The following CATSPERD variants were observed in gnomAD, a reference collection of about 807,000 sequenced individuals.
The protein encoded by CATSPERD is catsper channel auxiliary subunit delta, also known as cation channel sperm-associated auxiliary subunit delta.
In CATSPERD, 86 loss-of-function variants were observed where a neutral mutation model predicts 98.1. That is an observed-to-expected ratio of 0.88 (90% CI 0.74 to 1.05). The LOEUF is 1.05. Among genes scored for constraint, CATSPERD ranks in the 50% least tolerant of loss-of-function variants. CATSPERD has a pLI of 0.00. For synonymous variants in CATSPERD, 394 were observed against 390.2 expected (o/e 1.01, Z -0.12); for missense variants, 995 against 1,005.7 (o/e 0.99, Z 0.14).
intron 13 of CATSPERD, among the ~76,000 whole-genome samples, chr19:5,754,835 T>TTTC (rs1045802827): frequency 6.8e-6 from 1 of 147,618 alleles, no homozygotes; most frequent in African/African-American, 2.4e-5. Flanking sequence ...ATACATTCAT[T>TTTC]TTCTTCTTCT....
chr19:5,751,310 G>C (rs1599555146), intron 11 of CATSPERD, among the ~76,000 whole-genome samples: 1 of 147,938 alleles, frequency 6.8e-6, no homozygotes, highest in Admixed American at 6.9e-5. Context: ...GGATCACGAG[G>C]TCAGGAGATC....
intron 8 of CATSPERD, 138 bp downstream of exon 8, chr19:5,744,648 C>A: frequency 2.1e-6 from 1 of 475,852 alleles, no homozygotes; most frequent in Non-Finnish European, 3.5e-6. Context: ...TCAGCCAGGC[C>A]GGAGTGCAGT....
intron 5 of CATSPERD, 95 bp from the exon 6 acceptor site, chr19:5,737,043 C>A: frequency 1.4e-6 from 1 of 709,892 alleles, no homozygotes; most frequent in Non-Finnish European, 2.4e-6. Context: ...GGCGACAGAG[C>A]AAGACTCTGT....
chr19:5,767,271 C>T (rs1286933522), intron 17 of CATSPERD, among the ~76,000 whole-genome samples: 11 of 125,106 alleles, frequency 8.8e-5, no homozygotes, highest in African/African-American at 2.1e-4. Context: ...GAGCCGAGAT[C>T]GTGCCACTGC....
chr19:5,744,578 C>A, intron 8 of CATSPERD, 68 bp downstream of exon 8: 6 of 1,070,612 alleles, frequency 5.6e-6, no homozygotes, highest in Non-Finnish European at 8.2e-6. Context: ...TGTTACAACT[C>A]GCACATTTTT....
chr19:5,776,411 G>A, intron 21 of CATSPERD, 96 bp downstream of exon 21: 1 of 1,408,468 alleles, frequency 7.1e-7, no homozygotes, highest in Middle Eastern at 2.0e-4. Context: ...GGCTAAACCT[G>A]AATTCCCCCA....
At chr19:5,733,305 CTT>C (rs1491163497) in intron 4 of CATSPERD, among the ~76,000 whole-genome samples, 50 of 142,568 alleles carry the variant, frequency 3.5e-4, no homozygotes, top group Non-Finnish European at 6.7e-4. Context: ...CTTTCTTTTT[CTT>C]TTTCTTTCTT....
chr19:5,741,481 C>T (rs903033590), intron 7 of CATSPERD, among the ~76,000 whole-genome samples: 3 of 152,000 alleles, frequency 2.0e-5, no homozygotes, highest in Admixed American at 6.6e-5. Context: ...AGAGCCACGT[C>T]CTCACACAGC....
At position 5,749,175 on chromosome 19, in the gene CATSPERD, A is replaced by G; in HGVS notation, c.979A>G (p.Ile327Val). The part of the protein sequence containing the change: ...YGNLGIVPSS[I>V]IKFADQYIWS... ...CAATCTGGGCATCGTGCCAAGTTCCATAATCAAAGTAGGTAAAAAGAAAGT... is the reference window on the plus strand; with the variant it reads ...CAATCTGGGCATCGTGCCAAGTTCCGTAATCAAAGTAGGTAAAAAGAAAGT... The change falls in exon 11 of 22, where the codon ATA (isoleucine) becomes GTA (valine). Residue 327 changes from isoleucine (I) to valine (V), a missense_variant. Coordinates refer to ENST00000381624, the MANE Select transcript of CATSPERD (RefSeq NM_152784.4). 1 of 1,611,296 alleles carries G rather than the reference A, an allele frequency of 6.2e-7. No individual in the cohort carries two copies. Among genetic ancestry groups the G allele is most frequent in the Non-Finnish European group, 8.5e-7 (1 of 1,178,454 alleles).
intron 12 of CATSPERD, chr19:5,753,367 T>A (rs2056259583): frequency 6.0e-6 from 1 of 166,158 alleles, no homozygotes; most frequent in African/African-American, 2.4e-5. Context: ...GAGACCTTCC[T>A]GGCTAACAGT....
At chr19:5,772,430 T>G in intron 19 of CATSPERD, 1 of 266,396 alleles carries the variant, frequency 3.8e-6, no homozygotes. Context: ...GGTTTCACCG[T>G]GTTAGCCAAG....
At chr19:5,733,427 TTCC>T (rs1373591676) in intron 4 of CATSPERD, among the ~76,000 whole-genome samples, 2 of 147,808 alleles carry the variant, frequency 1.4e-5, no homozygotes, top group East Asian at 4.0e-4. Context: ...CCTTCCTTCC[TTCC>T]TCCTTTCTTT....
chr19:5,758,754 A>T (rs569199881), intron 14 of CATSPERD, among the ~76,000 whole-genome samples: 2 of 149,838 alleles, frequency 1.3e-5, no homozygotes, highest in Non-Finnish European at 3.0e-5. Context: ...AAAAAAAAAG[A>T]GAAGAAAAAA....
chr19:5,727,576 G>A (rs2055629343), intron 3 of CATSPERD, among the ~76,000 whole-genome samples: 1 of 152,104 alleles, frequency 6.6e-6, no homozygotes, highest in Non-Finnish European at 1.5e-5. Context: ...AAGATGCTTG[G>A]TATAAGCACT....
In CATSPERD at chr19:5,729,932, T is replaced by C; in HGVS notation, c.264T>C (p.Pro88=). 1.3e-6 allele frequency: 2 copies of C among 1,585,352 alleles called. No homozygotes were observed. The highest frequency in any genetic ancestry group is 1.3e-5 in the African/African-American group (1 of 74,400). The part of the protein sequence containing the change: ...FETSLLPFTI[P]TSMQVGVPEV... The stretch of plus-strand genomic sequence containing the variant: ...CTAGTCTCCTTCCATTTACCATCCC[T>C]ACATCAATGCAGGTAGTTATTTTAC... The change falls in exon 4 of 22, where the codon CCT becomes CCC. Residue 88 remains proline (P), a synonymous_variant. Coordinates refer to ENST00000381624, the MANE Select transcript of CATSPERD (RefSeq NM_152784.4).
chr19:5,750,649 G>C (rs1161684407), intron 11 of CATSPERD, among the ~76,000 whole-genome samples: 3 of 151,470 alleles, frequency 2.0e-5, no homozygotes, highest in African/African-American at 7.3e-5. Context: ...GCAGGAGAAT[G>C]GCTTGAACCC....
chr19:5,733,971 G>A lies in CATSPERD; in HGVS notation c.391+1G>A. ...AATAATTCTTGGAGCATGTCTTTAG[G>A]TATGTACATTTTGTATTTTTAAATT... On this transcript the variant is annotated splice_donor_variant, in intron 5 of 21. Transcript: ENST00000381624. LOFTEE classifies it high-confidence loss of function. 2 of 1,557,778 alleles carry A rather than the reference G, an allele frequency of 1.3e-6. No individual in the cohort carries two copies. The highest frequency in any genetic ancestry group is 1.8e-6 in the Non-Finnish European group (2 of 1,137,998).
At chr19:5,744,531 G>T in intron 8 of CATSPERD, 21 bp downstream of exon 8, 1 of 1,575,544 alleles carries the variant, frequency 6.3e-7, no homozygotes, top group South Asian at 1.1e-5. Flanking sequence ...GCAGAGGGAA[G>T]AACTACTCAG....
chr19:5,772,052 C>CTT (rs745956659), intron 19 of CATSPERD: 12 of 91,450 alleles, frequency 1.3e-4, no homozygotes, highest in South Asian at 2.7e-4. Context: ...TTCCTTTTTT[C>CTT]TTTTTTTTTT....
Sources: gnomAD v4.1 joint callset for allele counts (sites outside exome capture counted in the v4.1 genomes callset) on GRCh38, gnomAD v4.1.1 for gene constraint, MANE v1.5 for transcripts, NCBI Gene and HGNC (gene_info 2026-07-23, HGNC 2026-07-21) for gene names.